The following ARHGEF3 variants were observed in gnomAD, a reference collection of about 807,000 sequenced individuals.
ARHGEF3 encodes the protein Rho guanine nucleotide exchange factor 3, also known as 59.8 kDA protein.
ARHGEF3 carries 28 observed loss-of-function variants against 63.2 expected under a neutral mutation model. The ratio of observed to expected loss-of-function variants is 0.44; its 90% confidence interval spans 0.33 to 0.61. The LOEUF (loss-of-function observed/expected upper bound fraction) is 0.61. Ranked by LOEUF, ARHGEF3 falls within the 20% of genes least tolerant of loss-of-function variation. ARHGEF3 has a pLI of 0.03. For missense variants in ARHGEF3, 533 were observed against 659.3 expected, an observed-to-expected ratio of 0.81 and a Z score of 2.10; for synonymous variants, 266 against 254.2, an observed-to-expected ratio of 1.05 and a Z score of -0.44.
chr3:56,934,568 C>T (rs1372506710), intron 3 of ARHGEF3, among the ~76,000 whole-genome samples: 1 of 152,208 alleles, frequency 6.6e-6, no homozygotes. Context: ...GAGCAGCTGC[C>T]GGCTCTGCCA....
chr3:57,054,411 C>T (rs1417378191), intron 1 of ARHGEF3, among the ~76,000 whole-genome samples: 1 of 151,144 alleles, frequency 6.6e-6, no homozygotes, highest in African/African-American at 2.4e-5. Flanking sequence ...GGGCTGATCG[C>T]TTGAGCCCAG....
intron 2 of ARHGEF3, among the ~76,000 whole-genome samples, chr3:57,014,393 A>G (rs1330767946): frequency 6.6e-6 from 1 of 152,136 alleles, no homozygotes; most frequent in Non-Finnish European, 1.5e-5. Flanking sequence ...CGCCCCTTCC[A>G]TCACCACCCC....
At chr3:57,009,191 T>C (rs1337850033) in intron 2 of ARHGEF3, among the ~76,000 whole-genome samples, 1 of 152,242 alleles carries the variant, frequency 6.6e-6, no homozygotes, top group Non-Finnish European at 1.5e-5. Context: ...TTTAACATAT[T>C]GCTTAAACTT....
At chr3:56,791,731 C>T (rs1479897149) in intron 1 of ARHGEF3, among the ~76,000 whole-genome samples, 1 of 151,976 alleles carries the variant, frequency 6.6e-6, no homozygotes, top group Non-Finnish European at 1.5e-5. Flanking sequence ...AACATTTGGG[C>T]CCTGCCTCCT....
chr3:56,917,783 T>C (rs1262668304), intron 3 of ARHGEF3, among the ~76,000 whole-genome samples: 2 of 152,192 alleles, frequency 1.3e-5, no homozygotes, highest in Admixed American at 6.5e-5. Flanking sequence ...AGTACTTTAA[T>C]AGGTCTGGAA....
chr3:56,984,600 A>G (rs1355203433), intron 2 of ARHGEF3, among the ~76,000 whole-genome samples: 1 of 152,226 alleles, frequency 6.6e-6, no homozygotes, highest in African/African-American at 2.4e-5. Flanking sequence ...AAAACACTAT[A>G]ATATTGATCG....
intron 3 of ARHGEF3, among the ~76,000 whole-genome samples, chr3:56,941,293 C>T (rs374861033): frequency 2.6e-5 from 4 of 152,314 alleles, no homozygotes; most frequent in African/African-American, 7.2e-5. Context: ...CTGCAACCTC[C>T]GCCTCCTGGG....
intron 2 of ARHGEF3, among the ~76,000 whole-genome samples, chr3:56,990,023 ACGCTACCCAGCTT>A (rs1437405493): frequency 2.6e-5 from 4 of 152,314 alleles, no homozygotes; most frequent in South Asian, 2.1e-4. Context: ...TAAAACAATG[ACGCTACCCAGCTT>A]CGCTACCCAG....
intron 3 of ARHGEF3, among the ~76,000 whole-genome samples, chr3:56,949,332 G>A (rs1699683641): frequency 6.6e-6 from 1 of 151,924 alleles, no homozygotes; most frequent in Non-Finnish European, 1.5e-5. Flanking sequence ...AAAAGAGGAA[G>A]TCAAATTGTC....
rs151110501 is a variant in ARHGEF3, at chr3:56,828,849, T to A, written c.192+53443A>T. On this transcript the variant is annotated intron_variant, in intron 4 of 12. Coordinates refer to the ARHGEF3 transcript ENST00000338458. ...TTGTTACATAGAAAAGTTAAAGAGA[T>A]CCCTTGTATGGTTGTGGGTGGAGTG... Among the ~76,000 whole-genome samples the A allele has an allele frequency of 4.7e-3, 716 of 152,314 alleles. 9 individuals are homozygous for A. Among genetic ancestry groups the A allele is most frequent in the Admixed American group, 0.03 (452 of 15,304 alleles).
intron 1 of ARHGEF3, chr3:56,775,299 C>T: frequency 5.8e-6 from 7 of 1,205,748 alleles, no homozygotes; most frequent in Non-Finnish European, 7.2e-6. Flanking sequence ...TCATTTTATG[C>T]CCCTGCCAGT....
intron 1 of ARHGEF3, among the ~76,000 whole-genome samples, chr3:56,793,017 T>G (rs1023146568): frequency 6.6e-6 from 1 of 151,954 alleles, no homozygotes; most frequent in African/African-American, 2.4e-5. Flanking sequence ...TATTTTTATT[T>G]TTTTGAGACA....
intron 3 of ARHGEF3, among the ~76,000 whole-genome samples, chr3:56,936,191 G>A (rs550635286): frequency 6.6e-6 from 1 of 152,270 alleles, no homozygotes; most frequent in Admixed American, 6.5e-5. Context: ...ATCACACTGA[G>A]TTGGTCCAGA....
intron 3 of ARHGEF3, among the ~76,000 whole-genome samples, chr3:56,931,553 G>T (rs184745518): frequency 2.6e-4 from 34 of 133,328 alleles, no homozygotes; most frequent in African/African-American, 9.5e-4. Context: ...TCCAGCCTGG[G>T]TGACAGAGTG....
intron 2 of ARHGEF3, among the ~76,000 whole-genome samples, chr3:56,968,825 C>A (rs1356393445): frequency 6.6e-6 from 1 of 152,142 alleles, no homozygotes; most frequent in Admixed American, 6.5e-5. Flanking sequence ...TTCATTGGCA[C>A]CAGCCATGTT....
chr3:56,894,786 C>T (rs1489107542), intron 3 of ARHGEF3, among the ~76,000 whole-genome samples: 1 of 152,142 alleles, frequency 6.6e-6, no homozygotes, highest in Non-Finnish European at 1.5e-5. Flanking sequence ...AAGAATTCCA[C>T]TCTTGGTAAA....
chr3:56,985,127 G>A (rs1701483216), intron 2 of ARHGEF3, among the ~76,000 whole-genome samples: 2 of 152,328 alleles, frequency 1.3e-5, no homozygotes, highest in African/African-American at 2.4e-5. Context: ...TCACTCTGTC[G>A]CCCAGGCGGG....
At chr3:56,882,162 C>A in intron 4 of ARHGEF3, 1 of 834,090 alleles carries the variant, frequency 1.2e-6, no homozygotes, top group South Asian at 2.0e-5. Flanking sequence ...AAAAAAATTT[C>A]CCCCAGGTCA....
At chr3:56,943,715 G>A (rs375044353) in intron 3 of ARHGEF3, among the ~76,000 whole-genome samples, 4 of 152,286 alleles carry the variant, frequency 2.6e-5, no homozygotes, top group African/African-American at 7.2e-5. Flanking sequence ...AGGAGTTCAA[G>A]ACTAGCCTGA....
Sources: allele counts gnomAD v4.1 joint callset (sites outside exome capture counted in the v4.1 genomes callset), GRCh38; gene constraint gnomAD v4.1.1; transcripts MANE v1.5; gene names NCBI Gene and HGNC (gene_info 2026-07-23, HGNC 2026-07-21).